Variants in HECTD3 observed in about 807,000 individuals in gnomAD.
The protein encoded by HECTD3 is E3 ubiquitin-protein ligase HECTD3.
HECTD3 carries 72 observed loss-of-function variants against 109.3 expected under a neutral mutation model. The observed-to-expected ratio is 0.66, with a 90% CI of 0.54 to 0.80. The LOEUF is 0.80. HECTD3 is among the 30% of genes least tolerant of loss of function. The pLI, the probability that HECTD3 is intolerant of heterozygous loss-of-function variation, is 0.00. For synonymous variants in HECTD3, 481 were observed against 471.8 expected, an observed-to-expected ratio of 1.02 and a Z score of -0.25; for missense variants, 1,041 against 1,165.2, an observed-to-expected ratio of 0.89 and a Z score of 1.55.
intron 4 of HECTD3, 76 bp from the exon 5 acceptor site, chr1:45,009,759 AC>A: frequency 8.0e-7 from 1 of 1,249,622 alleles, no homozygotes; most frequent in Non-Finnish European, 1.1e-6. Flanking sequence ...GGCCAGGAGC[AC>A]CAGAGAGAAA....
Position 45,010,055 on chromosome 1 carries a change from C to G in HECTD3, c.690G>C (p.Leu230=). Reference sequence around the variant, plus strand: ...TACCCAGGTTCTCATCCTCCTTGCCCAGGTGGTCATACAAGAAGTGGATCA... The same window carrying G: ...TACCCAGGTTCTCATCCTCCTTGCCGAGGTGGTCATACAAGAAGTGGATCA... ...EDLIHFLYDH[L]GKEDENLGSV... The change falls in exon 4 of 21, where the codon CTG becomes CTC. Residue 230 remains leucine (L), a synonymous_variant. Transcript: ENST00000372172. 1 of 1,570,798 alleles carries G rather than the reference C, an allele frequency of 6.4e-7. No individual in the cohort carries two copies. The highest frequency in any genetic ancestry group is 8.7e-7 in the Non-Finnish European group (1 of 1,154,644).
rs748846944 is a variant in HECTD3, at chr1:45,006,942, G to C, written c.1621+9C>G. 6.2e-6 allele frequency: 10 copies of C among 1,613,698 alleles called. No homozygotes were observed. The African/African-American group carries it at 1.2e-4, about 19-fold the overall frequency. ...GCAGGACCCTTGAGATCCTCCCTCA[G>C]GGCCTCACCTTGGTCAATGATGCCT... On this transcript the variant is annotated intron_variant, in intron 12 of 20. Transcript: ENST00000372172. This position sits in a 1 kb window ranked among gnomAD's most constrained non-coding sequence, Gnocchi z 4.7.
chr1:45,004,593 G>A lies in HECTD3; in HGVS notation c.2142+7C>T, dbSNP rs770959754. On this transcript the variant is annotated splice_region_variant and intron_variant, in intron 16 of 20. Coordinates refer to ENST00000372172, the MANE Select transcript of HECTD3 (RefSeq NM_024602.6). The stretch of plus-strand genomic sequence containing the variant: ...AGCTCTCTGCTCTACTAGCCTCTGG[G>A]TACTACCTGCTCCTTGCTCTCCTCT... The A allele has an allele frequency of 3.1e-6, 5 of 1,613,758 alleles. No homozygotes were observed. Among genetic ancestry groups the A allele is most frequent in the African/African-American group, 1.3e-5 (1 of 74,888 alleles).
intron 4 of HECTD3, 140 bp from the exon 5 acceptor site, chr1:45,009,823 G>T: frequency 1.9e-6 from 2 of 1,056,312 alleles, no homozygotes; most frequent in Non-Finnish European, 2.8e-6. Flanking sequence ...GGGCCGCTGG[G>T]TATGTAAGGG....
At chr1:45,004,562 G>A (rs755990136) in intron 16 of HECTD3, 38 bp downstream of exon 16, 1 of 1,609,764 alleles carries the variant, frequency 6.2e-7, no homozygotes, top group Non-Finnish European at 8.5e-7. Context: ...GCTCAGGAGG[G>A]GCCAAAGCTC....
Position 45,010,033 on chromosome 1 carries a change from C to G in HECTD3, c.712G>C (p.Gly238Arg). The G allele has an allele frequency of 6.4e-7, 1 of 1,561,164 alleles. No individual in the cohort carries two copies. Among genetic ancestry groups the G allele is most frequent in the Non-Finnish European group, 8.7e-7 (1 of 1,149,858 alleles). Reference sequence around the variant, plus strand: ...CTCTCCACATACTGCTTCACGCTACCCAGGTTCTCATCCTCCTTGCCCAGG... The same window carrying G: ...CTCTCCACATACTGCTTCACGCTACGCAGGTTCTCATCCTCCTTGCCCAGG... ...DHLGKEDENLGSVKQYVESID... is the reference protein window; with the variant it reads ...DHLGKEDENLRSVKQYVESID... The change falls in exon 4 of 21, where the codon GGT becomes CGT. Residue 238 changes from glycine (G) to arginine (R), a missense_variant. Physicochemically the swap from Gly to Arg is moderately radical, Grantham distance 125. Transcript: ENST00000372172.
In HECTD3 at chr1:45,003,682, G is replaced by T; in HGVS notation, c.2488C>A (p.Pro830Thr). ...SSTCSSTLFL[P>T]HYASAKVCEE... Reference sequence around the variant, plus strand: ...GAAAAAACCCACCTGGCATAGTGTGGCAGGAAGAGGGTGCTGGAGCAAGTG... The same window carrying T: ...GAAAAAACCCACCTGGCATAGTGTGTCAGGAAGAGGGTGCTGGAGCAAGTG... Residue 830 changes from proline to threonine, a missense_variant, in exon 20 of 21, where the codon CCA becomes ACA. Physicochemically the swap from Pro to Thr is conservative, Grantham distance 38. Transcript: ENST00000372172. This position sits in a 1 kb window ranked among gnomAD's most constrained non-coding sequence, Gnocchi z 4.7. The T allele has an allele frequency of 6.2e-7, 1 of 1,614,136 alleles. No individual in the cohort carries two copies. Among genetic ancestry groups the T allele is most frequent in the Non-Finnish European group, 8.5e-7 (1 of 1,180,000 alleles).
At chr1:45,010,388 C>G in intron 2 of HECTD3, 95 bp from the exon 3 acceptor site, 5 of 1,466,780 alleles carry the variant, frequency 3.4e-6, no homozygotes, top group Non-Finnish European at 4.8e-6. Flanking sequence ...GCTCTATCTC[C>G]CAGTCTCCCT....
rs752118937 is a variant in HECTD3, at chr1:45,010,560, A to G, written c.516T>C (p.Tyr172=). ...AAGTGCAGTACCTGAGCACCGGCCG[A>G]TAATCCACGCCAAAGAGCTGCTGCT... The part of the protein sequence containing the change: ...QRQQQLFGVD[Y]RPVLRWEQVV... The change falls in exon 2 of 21, where the codon TAT becomes TAC. Residue 172 remains tyrosine, a synonymous_variant. Transcript: ENST00000372172. 9.3e-6 allele frequency: 15 copies of G among 1,613,558 alleles called. No homozygotes were observed. The highest frequency in any genetic ancestry group is 4.4e-5 in the South Asian group (4 of 91,074).
intron 7 of HECTD3, 48 bp downstream of exon 7, chr1:45,009,096 C>T (rs201943665): frequency 2.1e-6 from 3 of 1,423,464 alleles, no homozygotes; most frequent in Non-Finnish European, 3.0e-6. Context: ...TGTTTGCCCC[C>T]ATCTCCACGC....
In HECTD3 at chr1:45,006,191, T is replaced by C; in HGVS notation, c.1726-75A>G. On this transcript the variant is annotated intron_variant, in intron 13 of 20. Transcript: ENST00000372172. The surrounding 1 kb of genome is among the most constrained non-coding windows in gnomAD (Gnocchi z 4.7). ...CCTGGCCCAAAGACTTCCCTGAACA[T>C]TTTCCACTGGGAACATTTTCCACTA... 2 of 1,546,962 alleles carry C rather than the reference T, an allele frequency of 1.3e-6. No individual in the cohort carries two copies. The highest frequency in any genetic ancestry group is 1.8e-6 in the Non-Finnish European group (2 of 1,133,122).
Position 45,006,088 on chromosome 1 carries a change from A to C in HECTD3, c.1754T>G (p.Met585Arg). Residue 585 changes from methionine to arginine, a missense_variant, in exon 14 of 21, where the codon ATG becomes AGG. Transcript: ENST00000372172. The surrounding 1 kb of genome is among the most constrained non-coding windows in gnomAD (Gnocchi z 4.7). ...QGNGTGEARDMYVPNPSCRDF... is the reference protein window; with the variant it reads ...QGNGTGEARDRYVPNPSCRDF... The stretch of plus-strand genomic sequence containing the variant: ...TCGGCAGGAGGGGTTGGGTACATAC[A>C]TGTCCCGAGCCTCACCAGTGCCATT... 1 of 1,614,054 alleles carries C rather than the reference A, an allele frequency of 6.2e-7. No individual in the cohort carries two copies. Among genetic ancestry groups the C allele is most frequent in the Non-Finnish European group, 8.5e-7 (1 of 1,179,988 alleles).
rs978670728 is a variant in HECTD3, at chr1:45,003,181, G to A, written c.*311C>T. 1.9e-5 allele frequency: 7 copies of A among 374,228 alleles called. No individual in the cohort carries two copies. The highest frequency in any genetic ancestry group is 3.5e-5 in the Non-Finnish European group (7 of 200,306). The allele number at this position is 374,228 out of a possible 1,614,324, so 23.2% of individuals were successfully genotyped here. ...ATGGAGGCAAAGTCCATGGGTTGGG[G>A]ACCTAGATGGCCCCCTTCAAGTAGC... On this transcript the variant is annotated 3_prime_UTR_variant, in exon 21 of 21. Transcript: ENST00000372172. The surrounding 1 kb of genome is among the most constrained non-coding windows in gnomAD (Gnocchi z 4.7).
Position 45,010,946 on chromosome 1 carries a change from C to T in HECTD3, c.312G>A (p.Val104=). The part of the protein sequence containing the change: ...DSIELRRGAC[V]RTTGEELCNG... Reference sequence around the variant, plus strand: ...TGCACAGCTCCTCGCCCGTGGTGCGCACGCAGGCGCCGCGCCGGAGCTCAA... The same window carrying T: ...TGCACAGCTCCTCGCCCGTGGTGCGTACGCAGGCGCCGCGCCGGAGCTCAA... Residue 104 remains valine (V), a synonymous_variant, in exon 1 of 21, where the codon GTG becomes GTA. Transcript: ENST00000372172. 2 of 1,536,520 alleles carry T rather than the reference C, an allele frequency of 1.3e-6. No homozygotes were observed. The highest frequency in any genetic ancestry group is 1.7e-6 in the Non-Finnish European group (2 of 1,154,676).
At position 45,003,593 on chromosome 1, in the gene HECTD3, T is replaced by C. The variant is rs1364012347; in HGVS notation, c.2502-17A>G. On this transcript the variant is annotated splice_polypyrimidine_tract_variant and intron_variant, in intron 20 of 20. Transcript: ENST00000372172. The surrounding 1 kb of genome is among the most constrained non-coding windows in gnomAD (Gnocchi z 4.7). ...ACCTTGGCACTGTGGGAATGGGGAC[T>C]TGGTCAGGTCCCTACATCGCTACCA... The C allele has an allele frequency of 6.2e-7, 1 of 1,613,598 alleles. No homozygotes were observed. The highest frequency in any genetic ancestry group is 8.5e-7 in the Non-Finnish European group (1 of 1,179,498).
Position 45,006,273 on chromosome 1 carries a change from C to G in HECTD3, c.1726-157G>C. On this transcript the variant is annotated intron_variant, in intron 13 of 20. Transcript: ENST00000372172. This position sits in a 1 kb window ranked among gnomAD's most constrained non-coding sequence, Gnocchi z 4.7. ...CTCTCCCTGTCTGCCCAGAGGTTGC[C>G]CTGAGCAACTCAGTCCCTCCTCTGC... 1 of 898,090 alleles carries G rather than the reference C, an allele frequency of 1.1e-6. No individual in the cohort carries two copies. Among genetic ancestry groups the G allele is most frequent in the Non-Finnish European group, 1.7e-6 (1 of 590,424 alleles). 55.6% of individuals were successfully genotyped at this position (898,090 alleles called of 1,614,324 possible). A position where few individuals can be genotyped will look rare whatever the true frequency, so the allele number is the denominator to read the frequency against.
Position 45,004,316 on chromosome 1 carries a change from G to A in HECTD3, c.2204C>T (p.Thr735Ile), listed in dbSNP as rs370039448. The change falls in exon 17 of 21, where the codon ACC (threonine) becomes ATC (isoleucine). Residue 735 changes from threonine to isoleucine, a missense_variant. Physicochemically the swap from Thr to Ile is moderately conservative, Grantham distance 89. Transcript: ENST00000372172. ...VVPQAVLDLL[T>I]WQELEKKVCG... ...CACTTTCTTCTCCAACTCTTGCCAG[G>A]TCAGCAAGTCCAGCACAGCCTGTGG... is the stretch of plus-strand genomic sequence containing the variant. 9 of 1,613,926 alleles carry A rather than the reference G, an allele frequency of 5.6e-6. No homozygotes were observed. In the African/African-American group the frequency reaches 8.0e-5, roughly 14 times the overall value.
rs368026602 is a variant in HECTD3, at chr1:45,010,293, C to A, written c.531G>T (p.Arg177Ser). The A allele has an allele frequency of 3.7e-6, 6 of 1,613,798 alleles. No individual in the cohort carries two copies. Among genetic ancestry groups the A allele is most frequent in the Non-Finnish European group, 5.1e-6 (6 of 1,179,936 alleles). The change falls in exon 3 of 21, where the codon AGG becomes AGT. Residue 177 changes from arginine (R) to serine (S), a missense_variant and splice_region_variant. Physicochemically the swap from Arg to Ser is moderately radical, Grantham distance 110. Coordinates refer to ENST00000372172, the MANE Select transcript of HECTD3 (RefSeq NM_024602.6). ...LFGVDYRPVL[R>S]WEQVVDLTYS... is the part of the protein sequence containing the mutation. ...ATGTCAGGTCCACCACCTGTTCCCA[C>A]CTGTGGGCACAGAGTAGGGAGTGGG...
In HECTD3 at chr1:45,005,807, A is replaced by G. The variant is rs1174623467; in HGVS notation, c.1922T>C (p.Val641Ala). Residue 641 changes from valine (V) to alanine (A), a missense_variant, in exon 15 of 21, where the codon GTG (valine) becomes GCG (alanine). Around this residue, in one of 2 missense-constraint regions of HECTD3, gnomAD observed 569 missense variants for 715.3 expected, o/e 0.80. Coordinates refer to ENST00000372172, the MANE Select transcript of HECTD3 (RefSeq NM_024602.6). ...EVSWSKDFPA[V>A]DSVLVKLLEV... is the part of the protein sequence containing the mutation. ...GGTCCTACTCACCAGCACAGAGTCC[A>G]CAGCTGGGAAGTCCTTGCTCCAGCT... is the stretch of plus-strand genomic sequence containing the variant. The G allele has an allele frequency of 1.9e-6, 3 of 1,599,638 alleles. No homozygotes were observed. The highest frequency in any genetic ancestry group is 2.6e-6 in the Non-Finnish European group (3 of 1,173,060).
Sources: gnomAD v4.1 joint callset for allele counts on GRCh38, gnomAD v4.1.1 for gene constraint, gnomAD v4.1.1 regional missense constraint, Gnocchi (gnomAD v3.1) non-coding constraint, MANE v1.5 for transcripts, NCBI Gene and HGNC (gene_info 2026-07-23, HGNC 2026-07-21) for gene names.